Variants in ANKMY1 observed in about 807,000 individuals in gnomAD.
ANKMY1 encodes the protein ankyrin repeat and MYND domain containing 1.
In ANKMY1, 98 loss-of-function variants were observed where a neutral mutation model predicts 102.0. The observed-to-expected ratio is 0.96, with a 90% CI of 0.82 to 1.14. ANKMY1 has a LOEUF of 1.14. ANKMY1 is among the 50% of genes most tolerant of loss of function. The pLI is 0.00. For synonymous variants in ANKMY1, 582 were observed against 559.9 expected, an observed-to-expected ratio of 1.04 and a Z score of -0.56; for missense variants, 1,330 against 1,347.6, an observed-to-expected ratio of 0.99 and a Z score of 0.20.
chr2:240,482,422 C>T (rs541201575), intron 15 of ANKMY1, among the ~76,000 whole-genome samples, 161 bp from the exon 16 acceptor site: 154 of 152,230 alleles, frequency 1.0e-3, no homozygotes, highest in Non-Finnish European at 1.9e-3. Context: ...GGTGCGAGGA[C>T]GCAGAGCGGG....
Position 240,499,838 on chromosome 2 carries a change from C to G in ANKMY1, c.2806+120G>C, listed in dbSNP as rs1574968968. ...CACAAAGGGGACAAGCCGACGAGCC[C>G]AGCCCCAGGAAGGCCCCTCCAAGAG... is the stretch of plus-strand genomic sequence containing the variant. On this transcript the variant is annotated intron_variant, in intron 15 of 17. Transcript: ENST00000401804. This position sits in a 1 kb window ranked among gnomAD's most constrained non-coding sequence, Gnocchi z 4.2. 7.6e-7 allele frequency: 1 copy of G among 1,310,752 alleles called. No individual in the cohort carries two copies. The highest frequency in any genetic ancestry group is 1.0e-6 in the Non-Finnish European group (1 of 980,182). 81.2% of individuals were successfully genotyped at this position (1,310,752 alleles called of 1,614,324 possible).
Position 240,512,823 on chromosome 2 carries a change from GT to G in ANKMY1, c.2123del (p.Asp708AlafsTer16), listed in dbSNP as rs781473447. 1.5e-5 allele frequency: 25 copies of G among 1,613,850 alleles called. No homozygotes were observed. Among genetic ancestry groups the G allele is most frequent in the Non-Finnish European group, 2.0e-5 (24 of 1,179,960 alleles). On this transcript the variant is annotated frameshift_variant, in exon 10 of 18. Transcript: ENST00000401804. LOFTEE classifies it high-confidence loss of function. ...TDVDAKASDEDDTYKPGKLDL... is the reference protein window; with the variant it reads ...TDVDAKASDEXDTYKPGKLDL... ...ACACCTTGCCGGGCTTGTAAGTGTC[GT>G]CCTCGTCGGATGCCTTGGCGTCCAC... is the stretch of plus-strand genomic sequence containing the variant.
upstream of ANKMY1, chr2:240,558,091 G>C (rs896582278): frequency 5.0e-5 from 32 of 636,880 alleles, no homozygotes; most frequent in African/African-American, 5.6e-4. Flanking sequence ...CCGCCTCCGG[G>C]CGTGCCCGCC....
chr2:240,511,952 G>A lies in ANKMY1; in HGVS notation c.2195C>T (p.Pro732Leu), dbSNP rs1224560035. The part of the protein sequence containing the change: ...SLKLSNEPGP[P>L]QAYYSTDTAL... The stretch of plus-strand genomic sequence containing the variant: ...TGTGTCCGTGCTGTAGTAGGCTTGG[G>A]GAGGGCCTGGCTCATTGCTGAGCTT... Residue 732 changes from proline (P) to leucine (L), a missense_variant, in exon 11 of 18, where the codon CCC (proline) becomes CTC (leucine). Physicochemically the swap from Pro to Leu is moderately conservative, Grantham distance 98. Transcript: ENST00000401804. The A allele has an allele frequency of 6.4e-7, 1 of 1,568,766 alleles. No homozygotes were observed.
chr2:240,475,975 T>C (rs1054600410), downstream of ANKMY1, among the ~76,000 whole-genome samples: 2 of 152,192 alleles, frequency 1.3e-5, no homozygotes, highest in African/African-American at 4.8e-5. Flanking sequence ...CAATGGCATT[T>C]TTTTTTACAG....
intron 5 of ANKMY1, chr2:240,526,877 A>G (rs2083562505): frequency 2.6e-6 from 3 of 1,148,664 alleles, no homozygotes; most frequent in Non-Finnish European, 3.2e-6. Context: ...GACAACATGC[A>G]TTATCTCATG....
At chr2:240,476,341 C>A (rs915940130), downstream of ANKMY1, among the ~76,000 whole-genome samples, 1 of 152,198 alleles carries the variant, frequency 6.6e-6, no homozygotes, top group Non-Finnish European at 1.5e-5. Flanking sequence ...CCTTATCTTA[C>A]ACCATATACC....
chr2:240,552,324 TC>T (rs1327858246), intron 4 of ANKMY1, among the ~76,000 whole-genome samples: 2 of 152,218 alleles, frequency 1.3e-5, no homozygotes, highest in African/African-American at 4.8e-5. Context: ...TTGTTTTTTT[TC>T]TGTTGACACC....
chr2:240,482,002 G>A (rs1051531555), intron 16 of ANKMY1, among the ~76,000 whole-genome samples, 181 bp downstream of exon 16: 8 of 152,098 alleles, frequency 5.3e-5, no homozygotes, highest in African/African-American at 1.9e-4. Flanking sequence ...TGCATCATCT[G>A]CACCTCATCT....
At chr2:240,479,823 G>A (rs1178749970) in intron 17 of ANKMY1, among the ~76,000 whole-genome samples, 168 bp from the exon 18 acceptor site, 2 of 152,126 alleles carry the variant, frequency 1.3e-5, no homozygotes, top group Non-Finnish European at 2.9e-5. Flanking sequence ...GCTATCTGCC[G>A]TGACTCTTCA....
At chr2:240,537,339 C>G (rs2087059490) in intron 4 of ANKMY1, among the ~76,000 whole-genome samples, 1 of 152,150 alleles carries the variant, frequency 6.6e-6, no homozygotes, top group Non-Finnish European at 1.5e-5. Flanking sequence ...CGTAGGATTT[C>G]CGATACAAAA....
At chr2:240,511,050 C>T (rs529130446) in intron 11 of ANKMY1, among the ~76,000 whole-genome samples, 6 of 152,214 alleles carry the variant, frequency 3.9e-5, no homozygotes, top group Non-Finnish European at 7.4e-5. Context: ...CCTGCTCCTT[C>T]TCCCTACCCT....
chr2:240,481,198 T>C, intron 16 of ANKMY1, 101 bp from the exon 17 acceptor site: 1 of 1,449,790 alleles, frequency 6.9e-7, no homozygotes, highest in Non-Finnish European at 9.3e-7. Context: ...GCTCCTGGGC[T>C]ATTCCCCACC....
chr2:240,517,686 A>G (rs1230055812), intron 9 of ANKMY1, among the ~76,000 whole-genome samples: 1 of 149,968 alleles, frequency 6.7e-6, no homozygotes, highest in Non-Finnish European at 1.5e-5. Flanking sequence ...TGGTGCCTGT[A>G]GTCCAGCTAC....
intron 4 of ANKMY1, among the ~76,000 whole-genome samples, chr2:240,551,692 T>C (rs1478785670): frequency 6.6e-6 from 1 of 152,168 alleles, no homozygotes; most frequent in African/African-American, 2.4e-5. Context: ...TGGTCACCCA[T>C]GGTATGGAGC....
intron 8 of ANKMY1, chr2:240,523,119 C>CT (rs1170895774): frequency 6.6e-6 from 1 of 152,214 alleles, no homozygotes; most frequent in African/African-American, 2.4e-5. Flanking sequence ...CATCAGTGTC[C>CT]TTCCCATGTT....
rs745366434 is a variant in ANKMY1 at position 240,520,495 on chromosome 2, C to CGCA, written c.1868_1870dup (p.Leu623dup). ...GCACAGGTTGGGGTCCGCGCCCCGG[C>CGCA]GCAGCAGCAGCTTGATGGTCCGCCA... On this transcript the variant is annotated inframe_insertion, in exon 9 of 18. Coordinates refer to ENST00000401804, the MANE Select transcript of ANKMY1 (RefSeq NM_001282771.3). This position sits in a 1 kb window ranked among gnomAD's most constrained non-coding sequence, Gnocchi z 4.8. 73 of 1,613,092 alleles carry CGCA rather than the reference C, an allele frequency of 4.5e-5. No homozygotes were observed. Among genetic ancestry groups the CGCA allele is most frequent in the Admixed American group, 8.3e-5 (5 of 59,944 alleles).
At chr2:240,483,129 TC>T (rs1209413309) in intron 15 of ANKMY1, among the ~76,000 whole-genome samples, 1 of 152,152 alleles carries the variant, frequency 6.6e-6, no homozygotes, top group Non-Finnish European at 1.5e-5. Flanking sequence ...TAGTTTTTCA[TC>T]CTTTTACTTT....
At chr2:240,523,468 G>A (rs2082710379) in intron 8 of ANKMY1, 1 of 198,340 alleles carries the variant, frequency 5.0e-6, no homozygotes, top group Non-Finnish European at 1.0e-5. Context: ...CACATTTTGA[G>A]ACACACTGGT....
Sources: allele counts gnomAD v4.1 joint callset (sites outside exome capture counted in the v4.1 genomes callset), GRCh38; gene constraint gnomAD v4.1.1; non-coding constraint Gnocchi (gnomAD v3.1); transcripts MANE v1.5; gene names NCBI Gene and HGNC (gene_info 2026-07-23, HGNC 2026-07-21).